Variants in SYTL1 observed in about 807,000 individuals in gnomAD.
The protein encoded by SYTL1 is synaptotagmin like 1.
SYTL1 carries 53 observed loss-of-function variants against 74.6 expected under a neutral mutation model. That is an observed-to-expected ratio of 0.71 (90% CI 0.57 to 0.89). The LOEUF (loss-of-function observed/expected upper bound fraction) is 0.89. SYTL1 is among the 40% of genes least tolerant of loss of function. The pLI is 0.00. For missense variants in SYTL1, 728 were observed against 768.7 expected (o/e 0.95, Z 0.63); for synonymous variants, 329 against 324.9 (o/e 1.01, Z -0.14).
Position 27,350,166 on chromosome 1 carries a change from G to A in SYTL1, c.908+34G>A, listed in dbSNP as rs1251905601. ...CCCGCCGGCCAAGCGGGGCGCGGCT[G>A]TCACAGCCCAGCCCACCATTCACAG... On this transcript the variant is annotated intron_variant, in intron 9 of 14. Coordinates refer to ENST00000616558, the MANE Select transcript of SYTL1 (RefSeq NM_001193308.2). The surrounding 1 kb of genome is among the most constrained non-coding windows in gnomAD (Gnocchi z 6.3). The A allele has an allele frequency of 7.0e-7, 1 of 1,425,124 alleles. No individual in the cohort carries two copies. Among genetic ancestry groups the A allele is most frequent in the Non-Finnish European group, 9.2e-7 (1 of 1,088,986 alleles). 88.3% of individuals were successfully genotyped at this position (1,425,124 alleles called of 1,614,324 possible).
At position 27,348,016 on chromosome 1, in the gene SYTL1, A is replaced by G. The variant is rs1260511598; in HGVS notation, c.459+4A>G. 1 of 1,614,010 alleles carries G rather than the reference A, an allele frequency of 6.2e-7. No homozygotes were observed. Among genetic ancestry groups the G allele is most frequent in the Non-Finnish European group, 8.5e-7 (1 of 1,179,892 alleles). On this transcript the variant is annotated splice_donor_region_variant and intron_variant, in intron 5 of 14. Transcript: ENST00000616558. This position sits in a 1 kb window ranked among gnomAD's most constrained non-coding sequence, Gnocchi z 4.1. The stretch of plus-strand genomic sequence containing the variant: ...GGAGAGGCTCAGGGAGACTGAGGTA[A>G]GTGAATGAGCCAACATGTGAGTACA...
chr1:27,351,145 C>T lies in SYTL1; in HGVS notation c.1165-113C>T. ...GGGCGCTAGGACCCCTAGGTTCTGCCCCTGCAGGCCCCGCCGTCTCTTCTA... is the reference window on the plus strand; with the variant it reads ...GGGCGCTAGGACCCCTAGGTTCTGCTCCTGCAGGCCCCGCCGTCTCTTCTA... On this transcript the variant is annotated intron_variant, in intron 11 of 14. Coordinates refer to ENST00000616558, the MANE Select transcript of SYTL1 (RefSeq NM_001193308.2). The surrounding 1 kb of genome is among the most constrained non-coding windows in gnomAD (Gnocchi z 5.0). 4 of 1,372,888 alleles carry T rather than the reference C, an allele frequency of 2.9e-6. No homozygotes were observed. Among genetic ancestry groups the T allele is most frequent in the Non-Finnish European group, 4.0e-6 (4 of 1,009,994 alleles). 85.0% of individuals were successfully genotyped at this position (1,372,888 alleles called of 1,614,324 possible).
At chr1:27,344,077 T>A (rs941973356) in intron 1 of SYTL1, among the ~76,000 whole-genome samples, 1 of 152,098 alleles carries the variant, frequency 6.6e-6, no homozygotes, top group African/African-American at 2.4e-5. Context: ...ATTACAGGCA[T>A]GTACCACCAT....
At chr1:27,346,760 C>CA (rs915914824) in intron 2 of SYTL1, among the ~76,000 whole-genome samples, 161 of 147,942 alleles carry the variant, frequency 1.1e-3, no homozygotes, top group African/African-American at 3.7e-3. Flanking sequence ...GACCCTGTCT[C>CA]AAAAAAAAAT....
In SYTL1 at chr1:27,350,053, G is replaced by A. The variant is rs1279098341; in HGVS notation, c.829G>A (p.Glu277Lys). The part of the protein sequence containing the change: ...RGSVHFALHY[E>K]PGAAELRVHV... ...CTCCGTGCACTTCGCGCTGCACTAC[G>A]AGCCGGGCGCCGCCGAGCTGCGCGT... Residue 277 changes from glutamate (E) to lysine (K), a missense_variant, in exon 9 of 15, where the codon GAG becomes AAG. Glu to Lys is a moderately conservative substitution (Grantham distance 56). Coordinates refer to ENST00000616558, the MANE Select transcript of SYTL1 (RefSeq NM_001193308.2). This position sits in a 1 kb window ranked among gnomAD's most constrained non-coding sequence, Gnocchi z 6.3. 2 of 1,516,910 alleles carry A rather than the reference G, an allele frequency of 1.3e-6. No homozygotes were observed. Among genetic ancestry groups the A allele is most frequent in the African/African-American group, 1.4e-5 (1 of 69,240 alleles). The allele number at this position is 1,516,910 out of a possible 1,614,324, so 94.0% of individuals were successfully genotyped here. A position where few individuals can be genotyped will look rare whatever the true frequency, so the allele number is the denominator to read the frequency against.
intron 14 of SYTL1, 47 bp from the exon 15 acceptor site, chr1:27,353,666 G>T: frequency 6.3e-7 from 1 of 1,592,620 alleles, no homozygotes. Flanking sequence ...GGGGCCCCAA[G>T]GTGTCCAGTG....
At chr1:27,352,988 G>C (rs1057267652) in intron 13 of SYTL1, 2 of 381,542 alleles carry the variant, frequency 5.2e-6, no homozygotes, top group Non-Finnish European at 9.9e-6. Context: ...GTTTCACCAT[G>C]TTGGCCAGGC....
chr1:27,349,621 A>T, intron 7 of SYTL1, 31 bp from the exon 8 acceptor site: 2 of 1,575,492 alleles, frequency 1.3e-6, no homozygotes, highest in Non-Finnish European at 1.7e-6. Flanking sequence ...TGGGGAAAGA[A>T]GGGGCGCCCC....
Position 27,351,318 on chromosome 1 carries a change from GT to G in SYTL1, c.1226del (p.Val409AlafsTer20), listed in dbSNP as rs937040567. The G allele has an allele frequency of 1.9e-6, 3 of 1,556,232 alleles. No individual in the cohort carries two copies. The highest frequency in any genetic ancestry group is 1.4e-5 in the African/African-American group (1 of 73,842). On this transcript the variant is annotated frameshift_variant, in exon 12 of 15. Coordinates refer to ENST00000616558, the MANE Select transcript of SYTL1 (RefSeq NM_001193308.2). LOFTEE classifies it high-confidence loss of function. This position sits in a 1 kb window ranked among gnomAD's most constrained non-coding sequence, Gnocchi z 5.0. ...RGLLALSLKY[V>X]PAGSEGAGLP... ...GTTACTCGCCCTGTCCCTCAAGTAC[GT>G]CCCCGCCGGCTCCGAGGGTGAGTGA...
Position 27,351,075 on chromosome 1 carries a change from T to C in SYTL1, c.1164+123T>C. 1 of 1,360,958 alleles carries C rather than the reference T, an allele frequency of 7.3e-7. No individual in the cohort carries two copies. 84.3% of individuals were successfully genotyped at this position (1,360,958 alleles called of 1,614,324 possible). ...AGAACCTCCCCTCAACCTCTTAACC[T>C]CATGGCCCCAGGCGAAGCCCGGCCG... On this transcript the variant is annotated intron_variant, in intron 11 of 14. Transcript: ENST00000616558. The surrounding 1 kb of genome is among the most constrained non-coding windows in gnomAD (Gnocchi z 5.0).
In SYTL1 at chr1:27,342,279, T is replaced by A. The variant is rs1412291201; in HGVS notation, c.-39+129T>A. The stretch of plus-strand genomic sequence containing the variant: ...GGCACATGTCTGGAACTGGAACAGC[T>A]GGACAGATGGACAGACCCTCCTCTT... On this transcript the variant is annotated intron_variant, in intron 1 of 14. Coordinates refer to ENST00000616558, the MANE Select transcript of SYTL1 (RefSeq NM_001193308.2). The surrounding 1 kb of genome is among the most constrained non-coding windows in gnomAD (Gnocchi z 4.7). The A allele has an allele frequency of 2.1e-6, 2 of 973,550 alleles. No individual in the cohort carries two copies. Among genetic ancestry groups the A allele is most frequent in the African/African-American group, 1.8e-5 (1 of 55,830 alleles). The allele number at this position is 973,550 out of a possible 1,614,324, so 60.3% of individuals were successfully genotyped here.
rs1454670570 is a variant in SYTL1, at chr1:27,343,357, C to G, written c.-39+1207C>G. ...TCTGGGGAGAACTGTGTGGCCAGAA[C>G]AGAGGGGCCCTGTGGCTCCAGGCAA... On this transcript the variant is annotated intron_variant, in intron 1 of 14. Coordinates refer to ENST00000616558, the MANE Select transcript of SYTL1 (RefSeq NM_001193308.2). This position sits in a 1 kb window ranked among gnomAD's most constrained non-coding sequence, Gnocchi z 5.2. The G allele has an allele frequency of 6.6e-6, 1 of 152,376 alleles. No individual in the cohort carries two copies. The highest frequency in any genetic ancestry group is 1.5e-5 in the Non-Finnish European group (1 of 68,130). The allele number at this position is 152,376 out of a possible 1,614,324, so 9.4% of individuals were successfully genotyped here. A position where few individuals can be genotyped will look rare whatever the true frequency, so the allele number is the denominator to read the frequency against.
At chr1:27,344,026 G>C (rs1047746266) in intron 1 of SYTL1, among the ~76,000 whole-genome samples, 2 of 152,144 alleles carry the variant, frequency 1.3e-5, no homozygotes, top group African/African-American at 4.8e-5. Flanking sequence ...CCTTCTCTTG[G>C]GTTCAAGTGA....
Position 27,349,428 on chromosome 1 carries a change from C to A in SYTL1, c.563C>A (p.Ala188Asp). 6.9e-7 allele frequency: 1 copy of A among 1,453,104 alleles called. No homozygotes were observed. The highest frequency in any genetic ancestry group is 9.1e-7 in the Non-Finnish European group (1 of 1,102,232). The allele number at this position is 1,453,104 out of a possible 1,614,324, so 90.0% of individuals were successfully genotyped here. The change falls in exon 7 of 15, where the codon GCC becomes GAC. Residue 188 changes from alanine (A) to aspartate (D), a missense_variant. By Grantham distance (126) the Ala-to-Asp change is moderately radical. Transcript: ENST00000616558. Reference protein sequence around the residue: ...DPGQGDQQVCAEEADPELEPA... With the variant: ...DPGQGDQQVCDEEADPELEPA... ...GGCCAAGGAGACCAACAGGTCTGTG[C>A]CGAGGAGGCTGACCCGGAGCTGGAG...
chr1:27,351,398 C>A lies in SYTL1; in HGVS notation c.1244-58C>A. On this transcript the variant is annotated intron_variant, in intron 12 of 14. Transcript: ENST00000616558. This position sits in a 1 kb window ranked among gnomAD's most constrained non-coding sequence, Gnocchi z 5.0. The stretch of plus-strand genomic sequence containing the variant: ...CTGAAAAGCGGGAGACTCCAGTCCC[C>A]GGGTTTGGGGGCGGTGGACTCCATC... 2 of 1,506,142 alleles carry A rather than the reference C, an allele frequency of 1.3e-6. No individual in the cohort carries two copies. The highest frequency in any genetic ancestry group is 1.8e-6 in the Non-Finnish European group (2 of 1,122,166). The allele number at this position is 1,506,142 out of a possible 1,614,324, so 93.3% of individuals were successfully genotyped here. A position where few individuals can be genotyped will look rare whatever the true frequency, so the allele number is the denominator to read the frequency against.
chr1:27,351,457 C>T lies in SYTL1; in HGVS notation c.1245C>T (p.Gly415=). The part of the protein sequence containing the change: ...SLKYVPAGSE[G]AGLPPSGELH... ...GGCCTGAGCCGAGCCTCTCCGCAGG[C>T]GCAGGACTGCCCCCGAGCGGGGAGC... The change falls in exon 13 of 15, where the codon GGC becomes GGT. Residue 415 remains glycine, a splice_region_variant and synonymous_variant. Transcript: ENST00000616558. The surrounding 1 kb of genome is among the most constrained non-coding windows in gnomAD (Gnocchi z 5.0). 6.5e-7 allele frequency: 1 copy of T among 1,534,682 alleles called. No individual in the cohort carries two copies. Among genetic ancestry groups the T allele is most frequent in the Non-Finnish European group, 8.8e-7 (1 of 1,139,004 alleles).
intron 2 of SYTL1, among the ~76,000 whole-genome samples, chr1:27,346,791 A>T (rs1257549883): frequency 1.3e-5 from 2 of 151,860 alleles, no homozygotes; most frequent in Non-Finnish European, 2.9e-5. Flanking sequence ...AAAGTATAAT[A>T]ATTATTATCC....
rs1002245585 is a variant in SYTL1 at position 27,347,331 on chromosome 1, T to C, written c.192-90T>C. 7.6e-6 allele frequency: 12 copies of C among 1,568,872 alleles called. No individual in the cohort carries two copies. The highest frequency in any genetic ancestry group is 3.4e-5 in the Admixed American group (2 of 59,102). On this transcript the variant is annotated intron_variant, in intron 2 of 14. Coordinates refer to ENST00000616558, the MANE Select transcript of SYTL1 (RefSeq NM_001193308.2). This position sits in a 1 kb window ranked among gnomAD's most constrained non-coding sequence, Gnocchi z 4.9. ...CAAGTCTGATTTGCTGTTGGGTCCC[T>C]GGCCCCTGGTCCCAAGCCTGTTAAC...
Position 27,350,139 on chromosome 1 carries a change from G to T in SYTL1, c.908+7G>T. On this transcript the variant is annotated splice_region_variant and intron_variant, in intron 9 of 14. Transcript: ENST00000616558. The surrounding 1 kb of genome is among the most constrained non-coding windows in gnomAD (Gnocchi z 6.3). ...GGCGCCGCCGCTCGGACCCGTGAGT[G>T]CCCCGCCGGCCAAGCGGGGCGCGGC... 1 of 1,397,414 alleles carries T rather than the reference G, an allele frequency of 7.2e-7. No individual in the cohort carries two copies. The highest frequency in any genetic ancestry group is 9.3e-7 in the Non-Finnish European group (1 of 1,076,892). The allele number at this position is 1,397,414 out of a possible 1,614,324, so 86.6% of individuals were successfully genotyped here. A position where few individuals can be genotyped will look rare whatever the true frequency, so the allele number is the denominator to read the frequency against.
Sources: allele counts gnomAD v4.1 joint callset (sites outside exome capture counted in the v4.1 genomes callset), GRCh38; gene constraint gnomAD v4.1.1; non-coding constraint Gnocchi (gnomAD v3.1); transcripts MANE v1.5; gene names NCBI Gene and HGNC (gene_info 2026-07-23, HGNC 2026-07-21).